FMN1: variants seen among roughly 807,000 people sequenced by gnomAD.
The protein encoded by FMN1 is formin 1.
FMN1 carries 110 observed loss-of-function variants against 132.4 expected under a neutral mutation model. The observed-to-expected ratio is 0.83, with a 90% CI of 0.71 to 0.97. The LOEUF is 0.97. Ranked by LOEUF, FMN1 falls within the 50% of genes least tolerant of loss-of-function variation. The pLI, the probability that FMN1 is intolerant of heterozygous loss-of-function variation, is 0.00. For synonymous variants in FMN1, 722 were observed against 651.7 expected, an observed-to-expected ratio of 1.11 and a Z score of -1.64; for missense variants, 1,792 against 1,705.3, an observed-to-expected ratio of 1.05 and a Z score of -0.90.
chr15:32,875,868 A>G (rs753327345), intron 16 of FMN1, among the ~76,000 whole-genome samples: 2 of 152,180 alleles, frequency 1.3e-5, no homozygotes, highest in Non-Finnish European at 2.9e-5. Flanking sequence ...AGCTCATGGT[A>G]TGGTAGCTTG....
intron 19 of FMN1, among the ~76,000 whole-genome samples, chr15:32,782,901 G>A (rs886100516): frequency 6.6e-6 from 1 of 152,144 alleles, no homozygotes; most frequent in Admixed American, 6.5e-5. Context: ...AACTCAGAAA[G>A]AGAAAATCAA....
intron 6 of FMN1, among the ~76,000 whole-genome samples, chr15:33,018,482 TC>T (rs757766511): frequency 9.0e-4 from 137 of 152,184 alleles, no homozygotes; most frequent in Non-Finnish European, 1.6e-3. Flanking sequence ...TAATAGAGCT[TC>T]CGTGAGAACC....
intron 19 of FMN1, 143 bp downstream of exon 19, chr15:32,798,661 C>G: frequency 1.4e-6 from 1 of 697,762 alleles, no homozygotes; most frequent in East Asian, 2.9e-5. Flanking sequence ...CCTACGATCC[C>G]TGAGGCAAAA....
intron 17 of FMN1, among the ~76,000 whole-genome samples, chr15:32,819,195 T>C (rs2058139983): frequency 6.6e-6 from 1 of 150,742 alleles, no homozygotes; most frequent in African/African-American, 2.4e-5. Flanking sequence ...GAAAACCTAC[T>C]GCTTTCTGAT....
intron 4 of FMN1, among the ~76,000 whole-genome samples, chr15:33,109,375 A>G (rs539716790): frequency 6.6e-6 from 1 of 152,218 alleles, no homozygotes; most frequent in African/African-American, 2.4e-5. Context: ...AGTAATAGCT[A>G]AAAGAATTGC....
chr15:32,892,267 G>C (rs1287193099), intron 15 of FMN1, among the ~76,000 whole-genome samples: 1 of 152,172 alleles, frequency 6.6e-6, no homozygotes, highest in Non-Finnish European at 1.5e-5. Flanking sequence ...AATCATAAAG[G>C]AATGCTGGAT....
chr15:33,094,772 T>C (rs1218114251), intron 4 of FMN1, among the ~76,000 whole-genome samples: 1 of 152,212 alleles, frequency 6.6e-6, no homozygotes, highest in East Asian at 1.9e-4. Context: ...AGAATACTAG[T>C]TGAGGGATGT....
intron 4 of FMN1, among the ~76,000 whole-genome samples, chr15:33,098,323 T>C (rs562246071): frequency 3.3e-5 from 5 of 152,210 alleles, no homozygotes; most frequent in Non-Finnish European, 5.9e-5. Flanking sequence ...AACTGATGCA[T>C]GATTAACTCA....
At chr15:32,900,171 A>T (rs538092695) in intron 13 of FMN1, 46 bp from the exon 14 acceptor site, 1 of 1,605,340 alleles carries the variant, frequency 6.2e-7, no homozygotes, top group South Asian at 1.1e-5. Flanking sequence ...CTCCAAATGC[A>T]CCCATGTTCA....
chr15:33,101,369 T>C (rs1378783961), intron 4 of FMN1, among the ~76,000 whole-genome samples: 1 of 152,138 alleles, frequency 6.6e-6, no homozygotes, highest in Non-Finnish European at 1.5e-5. Context: ...TAGGGGTGTC[T>C]AATCTTTTGG....
chr15:32,813,355 G>A (rs961987573), intron 17 of FMN1, among the ~76,000 whole-genome samples: 5 of 152,052 alleles, frequency 3.3e-5, no homozygotes, highest in Non-Finnish European at 7.4e-5. Context: ...GGAGGTAATC[G>A]GACACAAGTA....
chr15:33,174,547 A>C (rs1965447371), intron 3 of FMN1, among the ~76,000 whole-genome samples: 1 of 152,196 alleles, frequency 6.6e-6, no homozygotes, highest in South Asian at 2.1e-4. Context: ...CCAAATCATA[A>C]ATTTTTCGTT....
At chr15:32,899,853 C>G (rs1390313212) in intron 14 of FMN1, 126 bp downstream of exon 14, 9 of 929,944 alleles carry the variant, frequency 9.7e-6, no homozygotes, top group Middle Eastern at 3.3e-4. Flanking sequence ...AATGCATGCT[C>G]TAATATAAAT....
At chr15:32,972,487 CATTCAATCAGCACTTTTCAGTG>C (rs1391597207) in intron 7 of FMN1, among the ~76,000 whole-genome samples, 1 of 152,210 alleles carries the variant, frequency 6.6e-6, no homozygotes, top group African/African-American at 2.4e-5. Flanking sequence ...TTGACTGTTG[CATTCAATCAGCACTTTTCAGTG>C]ATTTTGACCT....
chr15:33,153,832 G>A lies in FMN1; in HGVS notation c.1083C>T (p.His361=), dbSNP rs1484080507. The A allele has an allele frequency of 8.5e-6, 13 of 1,536,538 alleles. No individual in the cohort carries two copies. The Middle Eastern group carries it at 5.0e-4, about 59-fold the overall frequency. Reference sequence around the variant, plus strand: ...AGTCGGCTTTGGGTACAAACTCAGCGTGGGCTGCTGGGCGAATGGCAATCG... The same window carrying A: ...AGTCGGCTTTGGGTACAAACTCAGCATGGGCTGCTGGGCGAATGGCAATCG... ...KETIAIRPAA[H]AEFVPKADLL... Residue 361 remains histidine (H), a synonymous_variant, in exon 4 of 21, where the codon CAC becomes CAT. Coordinates refer to ENST00000616417, the MANE Select transcript of FMN1 (RefSeq NM_001277313.2).
At chr15:32,802,027 A>G (rs1255164962) in intron 18 of FMN1, among the ~76,000 whole-genome samples, 1 of 152,228 alleles carries the variant, frequency 6.6e-6, no homozygotes, top group Non-Finnish European at 1.5e-5. Flanking sequence ...AACAACCAGG[A>G]GAATTTTCTC....
chr15:32,960,017 A>G (rs1301811325), intron 9 of FMN1, among the ~76,000 whole-genome samples: 1 of 152,242 alleles, frequency 6.6e-6, no homozygotes, highest in East Asian at 1.9e-4. Flanking sequence ...TCCTTTTGCC[A>G]TTCAGGTAGA....
In FMN1 at chr15:32,776,932, T is replaced by TAGGGAAAAGACAGGGGAGAG. The variant is rs1567148265; in HGVS notation, c.4131-33_4131-14dup. The TAGGGAAAAGACAGGGGAGAG allele has an allele frequency of 6.0e-6, 9 of 1,503,760 alleles. No homozygotes were observed. The South Asian group carries it at 1.1e-4, about 18-fold the overall frequency. 93.2% of individuals were successfully genotyped at this position (1,503,760 alleles called of 1,614,324 possible). A position where few individuals can be genotyped will look rare whatever the true frequency, so the allele number is the denominator to read the frequency against. Reference sequence around the variant, plus strand: ...AGCCATTTTCAATCTGAAATAGAAATAGGGAAAAGACAGGGGAGAGAGGGA... The same window carrying TAGGGAAAAGACAGGGGAGAG: ...AGCCATTTTCAATCTGAAATAGAAATAGGGAAAAGACAGGGGAGAGAGGGAAAAGACAGGGGAGAGAGGGA... On this transcript the variant is annotated splice_polypyrimidine_tract_variant and intron_variant, in intron 19 of 20. Coordinates refer to ENST00000616417, the MANE Select transcript of FMN1 (RefSeq NM_001277313.2).
At chr15:32,923,016 C>A (rs1017515032) in intron 10 of FMN1, among the ~76,000 whole-genome samples, 1 of 152,168 alleles carries the variant, frequency 6.6e-6, no homozygotes, top group Non-Finnish European at 1.5e-5. Flanking sequence ...AAGGAATACT[C>A]TCCTCTAAGT....
Sources: allele counts gnomAD v4.1 joint callset (sites outside exome capture counted in the v4.1 genomes callset), GRCh38; gene constraint gnomAD v4.1.1; transcripts MANE v1.5; gene names NCBI Gene and HGNC (gene_info 2026-07-23, HGNC 2026-07-21).